Variants in RGMB observed in about 807,000 individuals in gnomAD.
RGMB encodes repulsive guidance molecule B.
RGMB carries 16 observed loss-of-function variants against 26.9 expected under a neutral mutation model. The observed-to-expected ratio is 0.60, with a 90% CI of 0.40 to 0.90. RGMB has a LOEUF of 0.90. Among genes scored for constraint, RGMB ranks in the 40% least tolerant of loss-of-function variants. The pLI is 0.00. For missense variants in RGMB, 512 were observed against 573.3 expected (o/e 0.89, Z 1.09); for synonymous variants, 225 against 229.3 (o/e 0.98, Z 0.17).
At chr5:98,771,259 C>T (rs1746152426), upstream of RGMB, 1 of 152,224 alleles carries the variant, frequency 6.6e-6, no homozygotes, top group Non-Finnish European at 1.5e-5. Flanking sequence ...CACAAGTCAT[C>T]AGCCACTTCA....
rs751462477 is a variant in RGMB at position 98,793,377 on chromosome 5, T to A, written c.938T>A (p.Val313Glu). The A allele has an allele frequency of 6.2e-7, 1 of 1,613,484 alleles. No individual in the cohort carries two copies. Among genetic ancestry groups the A allele is most frequent in the South Asian group, 1.1e-5 (1 of 90,964 alleles). ...YEESQDLQLC[V>E]NGCPLSERID... ...GAGAGCCAGGACCTGCAGCTGTGCG[T>A]GAACGGCTGCCCCCTGAGTGAACGC... The change falls in exon 3 of 3, where the codon GTG becomes GAG. Residue 313 changes from valine (V) to glutamate (E), a missense_variant. Transcript: ENST00000513185.
At chr5:98,770,608 T>G, upstream of RGMB, 2 of 1,344,676 alleles carry the variant, frequency 1.5e-6, no homozygotes, top group Non-Finnish European at 1.9e-6. Flanking sequence ...GTCCTGCGTG[T>G]TCCGAAGTTC....
At chr5:98,786,304 C>T (rs1013418476) in intron 2 of RGMB, among the ~76,000 whole-genome samples, 1 of 152,188 alleles carries the variant, frequency 6.6e-6, no homozygotes, top group Non-Finnish European at 1.5e-5. Flanking sequence ...GGCAAGATTC[C>T]GTGAGGGTGC....
upstream of RGMB, chr5:98,770,659 A>G: frequency 1.4e-6 from 2 of 1,456,412 alleles, no homozygotes; most frequent in South Asian, 1.5e-5. Flanking sequence ...CAGGAGCGAA[A>G]GGGTTAAGAA....
intron 2 of RGMB, chr5:98,792,862 T>C: frequency 2.5e-6 from 1 of 401,798 alleles, no homozygotes; most frequent in Non-Finnish European, 4.4e-6. Flanking sequence ...AGTTTTGTCT[T>C]GATGCACAGA....
At position 98,781,147 on chromosome 5, in the gene RGMB, G is replaced by T. The variant is rs1454034863; in HGVS notation, c.645+1059G>T. 4.6e-5 allele frequency: 7 copies of T among 152,120 alleles called. No homozygotes were observed. In the East Asian group the frequency reaches 1.3e-3, roughly 29 times the overall value. The allele number at this position is 152,120 out of a possible 1,614,324, so 9.4% of individuals were successfully genotyped here. On this transcript the variant is annotated intron_variant, in intron 2 of 2. Transcript: ENST00000513185. Reference sequence around the variant, plus strand: ...CCTCCCCTGTGTCTAAACATGTGTGGTATACTTTTTAAATAAATTAAAGCT... The same window carrying T: ...CCTCCCCTGTGTCTAAACATGTGTGTTATACTTTTTAAATAAATTAAAGCT...
At chr5:98,770,684 G>A (rs921011146), upstream of RGMB, 2 of 1,446,742 alleles carry the variant, frequency 1.4e-6, no homozygotes. Flanking sequence ...GTAAGTACAG[G>A]CACTTGATTT....
intron 2 of RGMB, among the ~76,000 whole-genome samples, chr5:98,782,682 G>A (rs1029335796): frequency 6.6e-6 from 1 of 152,038 alleles, no homozygotes; most frequent in Non-Finnish European, 1.5e-5. Flanking sequence ...TGAAATTTTC[G>A]GAAACATCCA....
At chr5:98,781,344 A>G (rs369950966) in intron 2 of RGMB, among the ~76,000 whole-genome samples, 5 of 152,332 alleles carry the variant, frequency 3.3e-5, no homozygotes, top group African/African-American at 1.2e-4. Context: ...TTCAACTCTC[A>G]GTAAAAGCTC....
chr5:98,777,786 A>G (rs1266965101), intron 1 of RGMB, among the ~76,000 whole-genome samples: 3 of 152,234 alleles, frequency 2.0e-5, no homozygotes, highest in Non-Finnish European at 4.4e-5. Flanking sequence ...ATGAGCAAAC[A>G]TAAAGTAGAT....
intron 2 of RGMB, among the ~76,000 whole-genome samples, chr5:98,782,629 A>G (rs1746644733): frequency 6.6e-6 from 1 of 152,170 alleles, no homozygotes; most frequent in African/African-American, 2.4e-5. Context: ...GTGCCACTAG[A>G]TTGAAAGACT....
chr5:98,783,274 G>T lies in RGMB; in HGVS notation c.645+3186G>T, dbSNP rs374801568. On this transcript the variant is annotated intron_variant, in intron 2 of 2. Coordinates refer to ENST00000513185, the MANE Select transcript of RGMB (RefSeq NM_001366508.1). The stretch of plus-strand genomic sequence containing the variant: ...TCTCTCCACCCCGGGGGCTGCAGGG[G>T]TGTCTGGCACACACACATACCTCGG... Among the ~76,000 whole-genome samples, 5 of 152,182 alleles carry T rather than the reference G, an allele frequency of 3.3e-5. No individual in the cohort carries two copies. In the East Asian group the frequency reaches 9.6e-4, roughly 29 times the overall value.
intron 1 of RGMB, 37 bp downstream of exon 1, chr5:98,774,243 G>T (rs566127855): frequency 7.3e-7 from 1 of 1,364,072 alleles, no homozygotes; most frequent in South Asian, 1.7e-5. Context: ...CAGCCCCGGG[G>T]CCTAGGGCTT....
chr5:98,784,123 C>T (rs1278959612), intron 2 of RGMB, among the ~76,000 whole-genome samples: 1 of 152,170 alleles, frequency 6.6e-6, no homozygotes, highest in African/African-American at 2.4e-5. Flanking sequence ...CTGTGCTCAT[C>T]GTACTTGACC....
intron 2 of RGMB, among the ~76,000 whole-genome samples, chr5:98,787,452 A>G (rs1206304158): frequency 6.6e-6 from 1 of 152,234 alleles, no homozygotes. Context: ...CTGCTAGGAC[A>G]GATTCGGCTG....
At chr5:98,783,107 G>T (rs962275076) in intron 2 of RGMB, among the ~76,000 whole-genome samples, 1 of 152,152 alleles carries the variant, frequency 6.6e-6, no homozygotes, top group African/African-American at 2.4e-5. Context: ...TGGTCATGGT[G>T]TGCACAGGTA....
chr5:98,771,132 A>G (rs111269054), upstream of RGMB: 1,963 of 154,746 alleles, frequency 0.013, 35 homozygotes, highest in African/African-American at 0.045. Flanking sequence ...TTCATGCCGT[A>G]GTATGCTTTG....
intron 2 of RGMB, among the ~76,000 whole-genome samples, chr5:98,782,921 C>A (rs952370718): frequency 6.6e-6 from 1 of 152,116 alleles, no homozygotes; most frequent in Non-Finnish European, 1.5e-5. Flanking sequence ...TGAAGTCACC[C>A]GGGGCCATAT....
rs755042523 is a variant in RGMB, at chr5:98,773,914, C to T, written c.-157C>T. 10 of 545,120 alleles carry T rather than the reference C, an allele frequency of 1.8e-5. No individual in the cohort carries two copies. In the Admixed American group the frequency reaches 3.9e-4, roughly 21 times the overall value. The allele number at this position is 545,120 out of a possible 1,614,324, so 33.8% of individuals were successfully genotyped here. A position where few individuals can be genotyped will look rare whatever the true frequency, so the allele number is the denominator to read the frequency against. On this transcript the variant is annotated 5_prime_UTR_variant, in exon 1 of 3. Transcript: ENST00000513185. ...TGCGCCGGCTGCGCGCTGCTTGCTG[C>T]GGCGGTGGTGGCGCCCCATCTGCTA...
Sources: allele counts gnomAD v4.1 joint callset (sites outside exome capture counted in the v4.1 genomes callset), GRCh38; gene constraint gnomAD v4.1.1; transcripts MANE v1.5; gene names NCBI Gene and HGNC (gene_info 2026-07-23, HGNC 2026-07-21).